BST1: variants seen among roughly 807,000 people sequenced by gnomAD.
BST1 encodes the protein bone marrow stromal cell antigen 1.
Under a neutral mutation model 40.6 loss-of-function variants are expected in BST1, and 49 were observed. The observed-to-expected ratio is 1.21, with a 90% confidence interval of 0.96 to 1.53. The LOEUF is 1.53. Ranked by LOEUF, BST1 falls within the 40% of genes most tolerant of loss-of-function variation. BST1 has a pLI of 0.00. For missense variants in BST1, 423 were observed against 395.9 expected (o/e 1.07, Z -0.58); for synonymous variants, 157 against 159.3 (o/e 0.99, Z 0.11).
chr4:15,752,438 G>T, the BST1 span, among the ~76,000 whole-genome samples: 4 of 151,806 alleles, frequency 2.6e-5, no homozygotes, highest in East Asian at 7.7e-4. Context: ...GCCCAGGCTG[G>T]AGTGCAATGG....
chr4:15,738,900 C>G (rs1214311420), downstream of BST1, among the ~76,000 whole-genome samples: 1 of 152,242 alleles, frequency 6.6e-6, no homozygotes, highest in East Asian at 1.9e-4. Flanking sequence ...ACCTGAGAGA[C>G]AGCCCAGGCA....
intron 8 of BST1, among the ~76,000 whole-genome samples, chr4:15,726,194 A>G (rs57987867): frequency 0.13 from 18,698 of 147,780 alleles, 2,306 homozygotes; most frequent in East Asian, 0.51. Context: ...ATGCTGGCAA[A>G]TTCATTCTTT....
At chr4:15,770,941 C>T in the BST1 span, among the ~76,000 whole-genome samples, 1 of 152,270 alleles carries the variant, frequency 6.6e-6, no homozygotes, top group South Asian at 2.1e-4. Flanking sequence ...TTACTATTTG[C>T]CCAAATAGCA....
At chr4:15,773,538 T>C in the BST1 span, among the ~76,000 whole-genome samples, 1 of 152,224 alleles carries the variant, frequency 6.6e-6, no homozygotes, top group East Asian at 1.9e-4. Context: ...GACTTAGATG[T>C]TATGGACCAT....
chr4:15,745,795 A>G, the BST1 span, among the ~76,000 whole-genome samples: 1 of 152,190 alleles, frequency 6.6e-6, no homozygotes, highest in Non-Finnish European at 1.5e-5. Context: ...CTATAATCTC[A>G]GTCCCAAATC....
intron 8 of BST1, among the ~76,000 whole-genome samples, chr4:15,726,122 A>G (rs1314982341): frequency 2.7e-5 from 4 of 147,760 alleles, no homozygotes; most frequent in South Asian, 2.1e-4. Context: ...CCACTACGCC[A>G]GCTAACTTTT....
intron 3 of BST1, among the ~76,000 whole-genome samples, chr4:15,709,102 GA>G (rs1720045223): frequency 6.6e-6 from 1 of 152,174 alleles, no homozygotes; most frequent in African/African-American, 2.4e-5. Context: ...ACTGCCTTAA[GA>G]TTATAAGGGC....
chr4:15,754,204 C>G, the BST1 span, among the ~76,000 whole-genome samples: 7 of 152,136 alleles, frequency 4.6e-5, no homozygotes, highest in African/African-American at 1.7e-4. Context: ...ATAATCCCCA[C>G]GAAGACCCCC....
the BST1 span, among the ~76,000 whole-genome samples, chr4:15,747,048 C>G: frequency 6.6e-6 from 1 of 152,146 alleles, no homozygotes; most frequent in African/African-American, 2.4e-5. Context: ...GGGAGAATCA[C>G]TATGTTATAT....
chr4:15,749,363 G>T, the BST1 span, among the ~76,000 whole-genome samples: 1 of 152,144 alleles, frequency 6.6e-6, no homozygotes, highest in Non-Finnish European at 1.5e-5. Context: ...TGATCCAAAT[G>T]CTTCACAGTT....
downstream of BST1, among the ~76,000 whole-genome samples, chr4:15,734,950 C>G (rs533013592): frequency 5.9e-5 from 9 of 152,250 alleles, no homozygotes; most frequent in South Asian, 1.7e-3. Context: ...TCCATGAAAA[C>G]CTGGCATGGT....
chr4:15,718,964 G>A lies in BST1; in HGVS notation c.762G>A (p.Gly254=), dbSNP rs376767442. Residue 254 remains glycine (G), a synonymous_variant, in exon 7 of 9, where the codon GGG becomes GGA. Coordinates refer to ENST00000265016, the MANE Select transcript of BST1 (RefSeq NM_004334.3). Reference sequence around the variant, plus strand: ...TGGAAAAGAGGCTGAAGGACATGGGGTTCCAGTACAGCTGTATTAATGATT... The same window carrying A: ...TGGAAAAGAGGCTGAAGGACATGGGATTCCAGTACAGCTGTATTAATGATT... The part of the protein sequence containing the change: ...KVLEKRLKDM[G]FQYSCINDYR... 1.2e-6 allele frequency: 2 copies of A among 1,614,102 alleles called. No homozygotes were observed. The highest frequency in any genetic ancestry group is 1.7e-6 in the Non-Finnish European group (2 of 1,179,994).
chr4:15,737,835 A>C, exon 7 of BST1: 2 of 1,284,848 alleles, frequency 1.6e-6, no homozygotes, highest in Non-Finnish European at 2.0e-6. Context: ...CAGAGAGTCC[A>C]AAGATGTAAA....
chr4:15,728,427 T>TA (rs1008151054), intron 8 of BST1, among the ~76,000 whole-genome samples: 5 of 151,630 alleles, frequency 3.3e-5, no homozygotes, highest in Non-Finnish European at 7.4e-5. Flanking sequence ...TATGGGTTAC[T>TA]ATTAAGTAAC....
At chr4:15,752,562 A>G in the BST1 span, among the ~76,000 whole-genome samples, 1 of 151,768 alleles carries the variant, frequency 6.6e-6, no homozygotes, top group South Asian at 2.1e-4. Flanking sequence ...CTAATTTTGT[A>G]TTTTTAGTAG....
intron 8 of BST1, among the ~76,000 whole-genome samples, chr4:15,730,594 G>C (rs1219191531): frequency 6.6e-6 from 1 of 152,226 alleles, no homozygotes; most frequent in Non-Finnish European, 1.5e-5. Flanking sequence ...TTTGTGCTTA[G>C]ATAAAAGGAT....
intron 8 of BST1, chr4:15,723,707 T>C (rs1720950566): frequency 1.2e-6 from 1 of 806,792 alleles, no homozygotes; most frequent in Non-Finnish European, 1.5e-6. Context: ...TTCCCAGAAA[T>C]TGAGTTGCTG....
Position 15,715,706 on chromosome 4 carries a change from G to GC in BST1, c.612-1_612insC (p.Ala207CysfsTer4). The GC allele has an allele frequency of 6.3e-7, 1 of 1,581,436 alleles. No homozygotes were observed. ...TTAGGGCTTCAAGAAATGTTTCTCA[G>GC]TTTTTTTGCAGATTATGAAATTCCA... On this transcript the variant is annotated frameshift_variant and splice_region_variant. Coordinates refer to ENST00000265016, the MANE Select transcript of BST1 (RefSeq NM_004334.3). LOFTEE classifies it high-confidence loss of function.
chr4:15,763,857 T>G, the BST1 span, among the ~76,000 whole-genome samples: 53,221 of 151,792 alleles, frequency 0.35, 9,728 homozygotes, highest in South Asian at 0.41. Context: ...TGTATGACAT[T>G]GTGGAAAAGG....
Sources: gnomAD v4.1 joint callset for allele counts (sites outside exome capture counted in the v4.1 genomes callset) on GRCh38, gnomAD v4.1.1 for gene constraint, MANE v1.5 for transcripts, NCBI Gene and HGNC (gene_info 2026-07-23, HGNC 2026-07-21) for gene names.